Variants in CCDC171 observed in about 807,000 individuals in gnomAD.
The protein encoded by CCDC171 is coiled-coil domain containing 171, also known as coiled-coil domain-containing protein 171.
Under a neutral mutation model 168.2 loss-of-function variants are expected in CCDC171, and 177 were observed. The observed-to-expected ratio is 1.05, with a 90% CI of 0.93 to 1.19. The LOEUF is 1.19. Among genes scored for constraint, CCDC171 ranks in the 50% most tolerant of loss-of-function variants. The pLI, the probability that CCDC171 is intolerant of heterozygous loss-of-function variation, is 0.00. For missense variants in CCDC171, 1,991 were observed against 1,539.0 expected, an observed-to-expected ratio of 1.29 and a Z score of -4.91; for synonymous variants, 687 against 540.8, an observed-to-expected ratio of 1.27 and a Z score of -3.75.
At chr9:15,627,571 A>G (rs1405820064) in intron 7 of CCDC171, among the ~76,000 whole-genome samples, 1 of 152,134 alleles carries the variant, frequency 6.6e-6, no homozygotes, top group Non-Finnish European at 1.5e-5. Flanking sequence ...TCATTTCGTT[A>G]TGTACCCAGT....
intron 3 of CCDC171, among the ~76,000 whole-genome samples, chr9:15,982,317 G>T (rs1217830154): frequency 6.6e-6 from 1 of 152,190 alleles, no homozygotes; most frequent in Non-Finnish European, 1.5e-5. Flanking sequence ...CTCACCAGCT[G>T]TGTGTCCTTA....
chr9:15,729,839 C>T (rs1039732626), intron 16 of CCDC171, 41 bp downstream of exon 16: 1 of 1,532,330 alleles, frequency 6.5e-7, no homozygotes, highest in Non-Finnish European at 8.8e-7. Flanking sequence ...ATGGGTTACT[C>T]AGTGTAACCA....
intron 3 of CCDC171, among the ~76,000 whole-genome samples, chr9:15,981,977 C>T (rs1217252995): frequency 6.6e-6 from 1 of 152,110 alleles, no homozygotes; most frequent in African/African-American, 2.4e-5. Flanking sequence ...ACTGAAAAGG[C>T]TTATACTTCT....
intron 7 of CCDC171, 71 bp downstream of exon 7, chr9:15,623,484 C>CACACACACACACAT: frequency 1.6e-6 from 1 of 613,090 alleles, no homozygotes; most frequent in Admixed American, 3.2e-5. Context: ...CGCACACACA[C>CACACACACACACAT]ACACACACAC....
chr9:15,745,080 G>C (rs1198264390), intron 17 of CCDC171, among the ~76,000 whole-genome samples: 2 of 152,212 alleles, frequency 1.3e-5, no homozygotes, highest in South Asian at 2.1e-4. Flanking sequence ...TGATTTTTCA[G>C]TTATGTCAAT....
intron 6 of CCDC171, among the ~76,000 whole-genome samples, chr9:16,026,142 G>A (rs1357502015): frequency 6.6e-6 from 1 of 152,108 alleles, no homozygotes; most frequent in Non-Finnish European, 1.5e-5. Flanking sequence ...AGGAGTGGGT[G>A]TCGTAACCCA....
At chr9:15,725,696 C>T (rs1159333775) in intron 14 of CCDC171, among the ~76,000 whole-genome samples, 1 of 152,092 alleles carries the variant, frequency 6.6e-6, no homozygotes, top group Non-Finnish European at 1.5e-5. Flanking sequence ...GTGATCTGCC[C>T]ACCTTGGCCT....
At chr9:16,039,931 A>G (rs948167451), upstream of CCDC171, among the ~76,000 whole-genome samples, 2 of 152,180 alleles carry the variant, frequency 1.3e-5, no homozygotes, top group East Asian at 1.9e-4. Flanking sequence ...ACCGGATAAC[A>G]GAAGAAAATG....
chr9:15,676,274 C>T (rs2049553546), intron 9 of CCDC171, among the ~76,000 whole-genome samples: 1 of 152,120 alleles, frequency 6.6e-6, no homozygotes, highest in African/African-American at 2.4e-5. Context: ...AGCCGTTCGC[C>T]TGACCTTTTT....
intron 25 of CCDC171, among the ~76,000 whole-genome samples, chr9:15,924,085 A>G (rs1382644668): frequency 1.3e-5 from 2 of 151,446 alleles, no homozygotes; most frequent in Admixed American, 1.3e-4. Context: ...TTAAAAACAT[A>G]TATTTAATAT....
In CCDC171 at chr9:16,051,291, C is replaced by G. The variant is rs1833745573; in HGVS notation, n.89+8405C>G. Among the ~76,000 whole-genome samples, 3 of 152,248 alleles carry G rather than the reference C, an allele frequency of 2.0e-5. No homozygotes were observed. The South Asian group carries it at 6.2e-4, about 32-fold the overall frequency. On this transcript the variant is annotated intron_variant and non_coding_transcript_variant, in intron 1 of 1. Coordinates refer to the CCDC171 transcript ENST00000478913. ...ATTCATGTCACTTAGTCCCTCTGAC[C>G]TCAGTTTCCTTATCCAAAACAGTGT...
chr9:15,666,713 T>C (rs952748862), intron 9 of CCDC171, among the ~76,000 whole-genome samples: 1 of 152,250 alleles, frequency 6.6e-6, no homozygotes, highest in East Asian at 1.9e-4. Context: ...TAGTCCCAGC[T>C]ACTCGAGAGG....
chr9:15,908,399 A>G (rs1397842267), intron 24 of CCDC171, among the ~76,000 whole-genome samples: 1 of 152,226 alleles, frequency 6.6e-6, no homozygotes, highest in East Asian at 1.9e-4. Context: ...GCCAACTATC[A>G]CAAGGAGAAA....
At chr9:15,908,552 G>A (rs1229282182) in intron 24 of CCDC171, among the ~76,000 whole-genome samples, 2 of 152,222 alleles carry the variant, frequency 1.3e-5, no homozygotes, top group Non-Finnish European at 2.9e-5. Flanking sequence ...TATACCTAAT[G>A]TTAAATGATT....
chr9:15,604,983 T>C (rs1354136732), intron 6 of CCDC171, among the ~76,000 whole-genome samples: 1 of 152,168 alleles, frequency 6.6e-6, no homozygotes, highest in African/African-American at 2.4e-5. Flanking sequence ...AGCGGGACTA[T>C]CACAGCTCAC....
intron 25 of CCDC171, among the ~76,000 whole-genome samples, chr9:15,950,767 A>G (rs1460022022): frequency 1.3e-5 from 2 of 152,050 alleles, no homozygotes; most frequent in Non-Finnish European, 2.9e-5. Context: ...AAATTCACAC[A>G]TAACAATATT....
At chr9:15,985,987 C>G (rs1321380195) in intron 3 of CCDC171, among the ~76,000 whole-genome samples, 1 of 152,114 alleles carries the variant, frequency 6.6e-6, no homozygotes, top group Non-Finnish European at 1.5e-5. Flanking sequence ...AAACTCTGTA[C>G]TTGGTTGAAA....
At chr9:15,795,663 C>G (rs1368505162) in intron 21 of CCDC171, among the ~76,000 whole-genome samples, 1 of 152,150 alleles carries the variant, frequency 6.6e-6, no homozygotes, top group South Asian at 2.1e-4. Flanking sequence ...GCCTCAGAGA[C>G]TAGGAGAGAT....
chr9:15,939,348 C>T (rs113188369), intron 25 of CCDC171, among the ~76,000 whole-genome samples: 4 of 151,572 alleles, frequency 2.6e-5, no homozygotes, highest in African/African-American at 7.2e-5. Context: ...ATTTATCCTA[C>T]ACAGGTAAAA....
Sources: gnomAD v4.1 joint callset for allele counts (sites outside exome capture counted in the v4.1 genomes callset) on GRCh38, gnomAD v4.1.1 for gene constraint, MANE v1.5 for transcripts, NCBI Gene and HGNC (gene_info 2026-07-23, HGNC 2026-07-21) for gene names.